The following RBFOX1 variants were observed in gnomAD, a reference collection of about 807,000 sequenced individuals.
RBFOX1 encodes the protein RNA binding protein fox-1 homolog 1.
In RBFOX1, 8 loss-of-function variants were observed where a neutral mutation model predicts 57.7. The ratio of observed to expected loss-of-function variants is 0.14; its 90% CI spans 0.08 to 0.25. The LOEUF (loss-of-function observed/expected upper bound fraction) is 0.25. Among genes scored for constraint, RBFOX1 ranks in the 10% least tolerant of loss-of-function variants. The probability of loss-of-function intolerance (pLI) is 1.00; values close to 1 mark genes in which losing one functional copy is unlikely to be tolerated. For synonymous variants in RBFOX1, 326 were observed against 222.4 expected, an observed-to-expected ratio of 1.47 and a Z score of -4.15; for missense variants, 611 against 548.5, an observed-to-expected ratio of 1.11 and a Z score of -1.14.
intron 4 of RBFOX1, among the ~76,000 whole-genome samples, chr16:7,289,831 C>T (rs1236385127): frequency 6.6e-6 from 1 of 152,140 alleles, no homozygotes; most frequent in East Asian, 1.9e-4. Context: ...ATCCAAGACT[C>T]AGGAAGTTTT....
chr16:7,090,989 G>T (rs1322933748), intron 4 of RBFOX1, among the ~76,000 whole-genome samples: 1 of 152,178 alleles, frequency 6.6e-6, no homozygotes, highest in Non-Finnish European at 1.5e-5. Context: ...CCTAGGGCTG[G>T]AAAGTAGGCA....
chr16:6,341,928 A>G (rs1001920081), intron 2 of RBFOX1, among the ~76,000 whole-genome samples: 7 of 152,322 alleles, frequency 4.6e-5, no homozygotes, highest in Non-Finnish European at 1.0e-4. Context: ...ATTCAGAATA[A>G]TTTCTTGCGT....
Position 7,006,217 on chromosome 16 carries a change from C to T in RBFOX1, c.-15-45840C>T, listed in dbSNP as rs576663476. Among the ~76,000 whole-genome samples the T allele has an allele frequency of 9.5e-4, 145 of 152,112 alleles. 1 individual carries two copies. Among genetic ancestry groups the T allele is most frequent in the African/African-American group, 3.2e-3 (133 of 41,488 alleles). On this transcript the variant is annotated intron_variant, in intron 3 of 15. Transcript: ENST00000550418. Reference sequence around the variant, plus strand: ...GTTGCCAGGCTGGAGTGCAGTGGCACGATCTCGGTTCACTGCATCCTCTGC... The same window carrying T: ...GTTGCCAGGCTGGAGTGCAGTGGCATGATCTCGGTTCACTGCATCCTCTGC...
At chr16:7,227,243 A>G (rs542660906) in intron 4 of RBFOX1, among the ~76,000 whole-genome samples, 2 of 150,434 alleles carry the variant, frequency 1.3e-5, no homozygotes, top group Admixed American at 6.7e-5. Context: ...CTCTATCTGT[A>G]TATCTCTCTC....
At chr16:7,210,715 A>G (rs1010084227) in intron 4 of RBFOX1, among the ~76,000 whole-genome samples, 7 of 152,140 alleles carry the variant, frequency 4.6e-5, no homozygotes, top group Non-Finnish European at 1.0e-4. Context: ...TTGTTGCTCC[A>G]ATTATCATTC....
At chr16:7,482,525 C>A (rs1221541027) in intron 4 of RBFOX1, among the ~76,000 whole-genome samples, 2 of 146,838 alleles carry the variant, frequency 1.4e-5, no homozygotes, top group Non-Finnish European at 3.0e-5. Context: ...CATGCATCTT[C>A]CCTTTGATTG....
chr16:6,276,858 A>T (rs543082921), intron 1 of RBFOX1, among the ~76,000 whole-genome samples: 1 of 151,488 alleles, frequency 6.6e-6, no homozygotes, highest in South Asian at 2.1e-4. Context: ...CAGGAATGAA[A>T]TCTCCATGAA....
intron 1 of RBFOX1, among the ~76,000 whole-genome samples, chr16:6,134,540 G>T (rs1389967030): frequency 6.6e-6 from 1 of 152,170 alleles, no homozygotes; most frequent in Non-Finnish European, 1.5e-5. Context: ...TTCTGCGGGA[G>T]TGGTAGGTAC....
At chr16:7,482,981 G>A (rs1313122967) in intron 4 of RBFOX1, among the ~76,000 whole-genome samples, 1 of 152,142 alleles carries the variant, frequency 6.6e-6, no homozygotes, top group African/African-American at 2.4e-5. Flanking sequence ...CTGAAAATGT[G>A]CCTATGATTG....
chr16:6,095,512 C>T (rs2096234320), intron 1 of RBFOX1, among the ~76,000 whole-genome samples: 1 of 152,116 alleles, frequency 6.6e-6, no homozygotes, highest in Non-Finnish European at 1.5e-5. Flanking sequence ...TTTTCACAGC[C>T]AAGGGAAAGG....
chr16:7,468,273 G>C (rs1173619615), intron 4 of RBFOX1, among the ~76,000 whole-genome samples: 1 of 152,164 alleles, frequency 6.6e-6, no homozygotes, highest in African/African-American at 2.4e-5. Flanking sequence ...ACCCCAAAGA[G>C]TGTATGCTCT....
At chr16:5,573,633 C>G (rs188132850) in intron 2 of RBFOX1, among the ~76,000 whole-genome samples, 5 of 152,142 alleles carry the variant, frequency 3.3e-5, no homozygotes, top group African/African-American at 7.2e-5. Flanking sequence ...GTGCATCCCC[C>G]CTTTCCCCGT....
chr16:5,370,418 C>G (rs1424763415), intron 1 of RBFOX1, among the ~76,000 whole-genome samples: 2 of 150,142 alleles, frequency 1.3e-5, no homozygotes, highest in African/African-American at 4.9e-5. Flanking sequence ...AGGGCACTGT[C>G]TGGGGCAAAG....
intron 4 of RBFOX1, among the ~76,000 whole-genome samples, chr16:7,432,117 T>C (rs2098686860): frequency 6.6e-6 from 1 of 152,192 alleles, no homozygotes; most frequent in African/African-American, 2.4e-5. Flanking sequence ...GCCCCCACAC[T>C]GTGCTGGTCA....
At chr16:6,676,673 CTTT>C (rs756578276) in intron 3 of RBFOX1, among the ~76,000 whole-genome samples, 2 of 103,530 alleles carry the variant, frequency 1.9e-5, no homozygotes, top group Non-Finnish European at 3.8e-5. Flanking sequence ...TTTTTCTTTT[CTTT>C]TTTTTTTTTT....
intron 4 of RBFOX1, among the ~76,000 whole-genome samples, chr16:5,995,385 C>T (rs1332642777): frequency 1.3e-5 from 2 of 151,976 alleles, no homozygotes; most frequent in African/African-American, 2.4e-5. Flanking sequence ...AGATAGATTG[C>T]CCGCCATGAA....
In RBFOX1 at chr16:7,664,976, T is replaced by C. The variant is rs1482438338; in HGVS notation, c.930+8T>C. The C allele has an allele frequency of 1.9e-6, 3 of 1,613,808 alleles. No homozygotes were observed. In the Admixed American group the frequency reaches 5.0e-5, roughly 27 times the overall value. On this transcript the variant is annotated splice_region_variant and intron_variant, in intron 13 of 15. Transcript: ENST00000550418. ...TATGGTGCAGACATTTATGTAAGTA[T>C]TCATTCACGTGCATGCCATCCCCGT...
At chr16:6,258,103 C>A (rs564484176) in intron 1 of RBFOX1, among the ~76,000 whole-genome samples, 9 of 152,134 alleles carry the variant, frequency 5.9e-5, no homozygotes, top group Non-Finnish European at 1.0e-4. Flanking sequence ...AATTCCCATG[C>A]CCTTATCCCA....
chr16:6,213,579 G>A (rs2097312222), intron 1 of RBFOX1, among the ~76,000 whole-genome samples: 1 of 152,204 alleles, frequency 6.6e-6, no homozygotes, highest in African/African-American at 2.4e-5. Context: ...AGTTGCGTAA[G>A]TCATGCCAAT....
Sources: allele counts gnomAD v4.1 joint callset (sites outside exome capture counted in the v4.1 genomes callset), GRCh38; gene constraint gnomAD v4.1.1; transcripts MANE v1.5; gene names NCBI Gene and HGNC (gene_info 2026-07-23, HGNC 2026-07-21).